Variants in PCTP observed in about 807,000 individuals in gnomAD.
PCTP encodes the protein START domain-containing protein 2.
Under a neutral mutation model 31.0 loss-of-function variants are expected in PCTP, and 27 were observed. That is an observed-to-expected ratio of 0.87 (90% confidence interval 0.64 to 1.20). The LOEUF (loss-of-function observed/expected upper bound fraction) is 1.20, where lower values mean the gene tolerates loss of function less well. Among genes scored for constraint, PCTP ranks in the 50% most tolerant of loss-of-function variants. The pLI is 0.00. For missense variants in PCTP, 287 were observed against 268.2 expected (o/e 1.07, Z -0.49); for synonymous variants, 108 against 101.2 (o/e 1.07, Z -0.40).
At chr17:55,764,078 TCTC>T (rs1368916491) in intron 1 of PCTP, among the ~76,000 whole-genome samples, 1 of 152,240 alleles carries the variant, frequency 6.6e-6, no homozygotes, top group Non-Finnish European at 1.5e-5. Flanking sequence ...AACTTCCTGT[TCTC>T]ATTGTCTGTG....
At chr17:55,829,450 G>C (rs971254354) in intron 5 of PCTP, among the ~76,000 whole-genome samples, 2 of 152,170 alleles carry the variant, frequency 1.3e-5, no homozygotes, top group East Asian at 3.9e-4. Context: ...TGGGACTACA[G>C]GTGAATGCCA....
At chr17:55,793,239 C>T (rs921641608) in intron 3 of PCTP, among the ~76,000 whole-genome samples, 1 of 152,040 alleles carries the variant, frequency 6.6e-6, no homozygotes, top group African/African-American at 2.4e-5. Flanking sequence ...TTCTAACCTT[C>T]CATATTTGTG....
chr17:55,852,466 C>G, the PCTP span, among the ~76,000 whole-genome samples: 32 of 152,166 alleles, frequency 2.1e-4, no homozygotes, highest in Non-Finnish European at 4.4e-5. Context: ...TGCAAGATCT[C>G]ATAACTAAAA....
chr17:55,766,215 G>A (rs1387665883), intron 1 of PCTP, among the ~76,000 whole-genome samples: 1 of 151,192 alleles, frequency 6.6e-6, no homozygotes, highest in Non-Finnish European at 1.5e-5. Context: ...CACAGAGGAG[G>A]TCAGTGTTTG....
intron 3 of PCTP, among the ~76,000 whole-genome samples, chr17:55,816,049 T>G (rs1912904183): frequency 6.6e-6 from 1 of 152,194 alleles, no homozygotes; most frequent in African/African-American, 2.4e-5. Context: ...TTTCCTCTCT[T>G]CATGAGGACA....
rs571702275 is a variant in PCTP, at chr17:55,756,996, A to G, written c.141+5752A>G. 2.0e-5 allele frequency among the ~76,000 whole-genome samples: 3 copies of G among 152,144 alleles called. No homozygotes were observed. In the East Asian group the frequency reaches 5.9e-4, roughly 30 times the overall value. On this transcript the variant is annotated intron_variant, in intron 1 of 5. Transcript: ENST00000268896. ...TTCATTTTGAAATCTCAGTTTCCTC[A>G]TTTGCAAAACCTGGATAATACTTAC...
intron 2 of PCTP, among the ~76,000 whole-genome samples, chr17:55,783,542 T>C (rs527310540): frequency 3.3e-5 from 5 of 152,140 alleles, no homozygotes; most frequent in Non-Finnish European, 4.4e-5. Flanking sequence ...CACTTAGAAC[T>C]CCATGCAGGG....
In PCTP at chr17:55,838,080, G is replaced by A. The variant is rs946813250; in HGVS notation, n.506-4647G>A. 2.6e-4 allele frequency among the ~76,000 whole-genome samples: 39 copies of A among 152,204 alleles called. 2 individuals are homozygous for A. Among genetic ancestry groups the A allele is most frequent in the African/African-American group, 2.4e-5 (1 of 41,448 alleles). On this transcript the variant is annotated intron_variant and non_coding_transcript_variant, in intron 5 of 5. Transcript: ENST00000576221. ...CTCTTGAGCCCAGGAGATTGAGGCT[G>A]CAGTGAGCTATGATTGCACCATTGC...
At chr17:55,811,245 G>A (rs1401829650) in intron 3 of PCTP, among the ~76,000 whole-genome samples, 1 of 152,106 alleles carries the variant, frequency 6.6e-6, no homozygotes, top group Non-Finnish European at 1.5e-5. Flanking sequence ...TTATAGAGAG[G>A]CAAAAACATG....
chr17:55,786,011 G>A (rs964209327), intron 2 of PCTP, among the ~76,000 whole-genome samples: 3 of 152,188 alleles, frequency 2.0e-5, no homozygotes, highest in African/African-American at 4.8e-5. Context: ...GGCTGGGCAC[G>A]GTGGCTCATG....
rs1036175596 is a variant in PCTP, at chr17:55,807,481, G to A, written c.318-15280G>A. ...CCTTCCCATCTCCTTTGGGCACAAAGAGAATTTTTAGATCCTTATTTTTCT... is the reference window on the plus strand; with the variant it reads ...CCTTCCCATCTCCTTTGGGCACAAAAAGAATTTTTAGATCCTTATTTTTCT... On this transcript the variant is annotated intron_variant, in intron 3 of 3. Coordinates refer to the PCTP transcript ENST00000572536. Among the ~76,000 whole-genome samples, 5 of 152,232 alleles carry A rather than the reference G, an allele frequency of 3.3e-5. No homozygotes were observed. In the East Asian group the frequency reaches 9.6e-4, roughly 29 times the overall value.
chr17:55,778,480 AAATGAGTGAATG>A (rs1186441986), downstream of PCTP, among the ~76,000 whole-genome samples: 1 of 152,344 alleles, frequency 6.6e-6, no homozygotes, highest in East Asian at 1.9e-4. Flanking sequence ...AATGGTGACT[AAATGAGTGAATG>A]AATGATTTAG....
chr17:55,824,223 G>T (rs1203691989), downstream of PCTP, among the ~76,000 whole-genome samples: 1 of 151,902 alleles, frequency 6.6e-6, no homozygotes. Context: ...ACTGACCTGG[G>T]TCTTCTTGCT....
the PCTP span, among the ~76,000 whole-genome samples, chr17:55,848,970 A>C: frequency 1.3e-5 from 2 of 152,244 alleles, no homozygotes; most frequent in African/African-American, 4.8e-5. Flanking sequence ...CTCAGTCTCC[A>C]TTGTAATTCT....
intron 3 of PCTP, among the ~76,000 whole-genome samples, chr17:55,817,426 A>C (rs1331103508): frequency 2.0e-5 from 3 of 152,196 alleles, no homozygotes; most frequent in African/African-American, 7.2e-5. Context: ...TCAAGTTATT[A>C]TTTTGTTTAA....
chr17:55,829,354 A>G (rs1248957876), intron 5 of PCTP, among the ~76,000 whole-genome samples: 4 of 152,146 alleles, frequency 2.6e-5, no homozygotes, highest in African/African-American at 9.7e-5. Context: ...TCTGTCACCC[A>G]GGCTGGAGTG....
intron 3 of PCTP, among the ~76,000 whole-genome samples, chr17:55,804,672 A>G (rs1325472551): frequency 1.3e-5 from 2 of 152,130 alleles, no homozygotes; most frequent in African/African-American, 4.8e-5. Context: ...ATGAGAACAC[A>G]TGGGCATAGG....
chr17:55,770,714 C>CT (rs34971113), intron 2 of PCTP: 17,991 of 143,012 alleles, frequency 0.13, 1,228 homozygotes, highest in African/African-American at 0.19. Context: ...AAGAGGTCAT[C>CT]TTTTTTTTTT....
At position 55,841,233 on chromosome 17, in the gene PCTP, T is replaced by C. The variant is rs116756034; in HGVS notation, n.506-1494T>C. Among the ~76,000 whole-genome samples, 1,155 of 152,310 alleles carry C rather than the reference T, an allele frequency of 7.6e-3. 19 individuals are homozygous for C. The highest frequency in any genetic ancestry group is 0.026 in the African/African-American group (1,068 of 41,564). ...TAAAGCTCTCAAAGTACTCTGATTA[T>C]TGAAGCACTTGAGGCATTGGTACTA... On this transcript the variant is annotated intron_variant and non_coding_transcript_variant, in intron 5 of 5. Transcript: ENST00000576221.
Sources: gnomAD v4.1 joint callset for allele counts (sites outside exome capture counted in the v4.1 genomes callset) on GRCh38, gnomAD v4.1.1 for gene constraint, MANE v1.5 for transcripts, NCBI Gene and HGNC (gene_info 2026-07-23, HGNC 2026-07-21) for gene names.